PAWR: variants seen among roughly 807,000 people sequenced by gnomAD.
PAWR encodes the protein PRKC apoptosis WT1 regulator protein.
A neutral mutation model predicts 32.0 loss-of-function variants in PAWR; 23 were observed. The ratio of observed to expected loss-of-function variants is 0.72; its 90% CI spans 0.52 to 1.02. The LOEUF is 1.02. Among genes scored for constraint, PAWR ranks in the 50% least tolerant of loss-of-function variants. The probability of loss-of-function intolerance (pLI) is 0.00; values close to 1 mark genes in which losing one functional copy is unlikely to be tolerated. For synonymous variants in PAWR, 226 were observed against 187.1 expected, an observed-to-expected ratio of 1.21 and a Z score of -1.70; for missense variants, 457 against 437.7, an observed-to-expected ratio of 1.04 and a Z score of -0.39.
chr12:79,657,003 T>C (rs1478500711), intron 2 of PAWR, among the ~76,000 whole-genome samples: 1 of 152,174 alleles, frequency 6.6e-6, no homozygotes, highest in Admixed American at 6.5e-5. Context: ...GAGATCTCTC[T>C]GTAATCTAAG....
chr12:79,648,459 CCA>C (rs1342845166), intron 2 of PAWR, among the ~76,000 whole-genome samples: 1 of 151,938 alleles, frequency 6.6e-6, no homozygotes, highest in Non-Finnish European at 1.5e-5. Flanking sequence ...ACAACAACAA[CCA>C]CACACACATT....
chr12:79,592,595 G>C lies in PAWR; in HGVS notation c.*12C>G. 1.3e-6 allele frequency: 1 copy of C among 754,268 alleles called. No individual in the cohort carries two copies. The highest frequency in any genetic ancestry group is 1.7e-5 in the African/African-American group (1 of 57,192). 46.7% of individuals were successfully genotyped at this position (754,268 alleles called of 1,614,324 possible). A position where few individuals can be genotyped will look rare whatever the true frequency, so the allele number is the denominator to read the frequency against. ...GTTTAAAATATTTTTTCCACATTGA[G>C]TCTTGAATCCTCTACCTGGTCAGCT... On this transcript the variant is annotated 3_prime_UTR_variant, in exon 7 of 7. Transcript: ENST00000328827.
chr12:79,623,757 A>T (rs906392070), intron 2 of PAWR, among the ~76,000 whole-genome samples: 6 of 152,208 alleles, frequency 3.9e-5, no homozygotes, highest in Admixed American at 6.5e-5. Context: ...TTATTTGGAA[A>T]GTAGTGGTGC....
chr12:79,616,414 A>G (rs1367641623), intron 3 of PAWR, among the ~76,000 whole-genome samples: 1 of 152,202 alleles, frequency 6.6e-6, no homozygotes, highest in South Asian at 2.1e-4. Flanking sequence ...GGTTACTGGT[A>G]TATCAACTGA....
intron 5 of PAWR, among the ~76,000 whole-genome samples, chr12:79,595,799 C>T (rs1873728772): frequency 6.6e-6 from 1 of 152,070 alleles, no homozygotes; most frequent in African/African-American, 2.4e-5. Flanking sequence ...TTGCAGTGAG[C>T]CGATACTGAG....
At position 79,595,955 on chromosome 12, in the gene PAWR, G is replaced by A. The variant is rs1592489031; in HGVS notation, c.831+556C>T. ...AATGTGACCTCAAAAAATCATAAAT[G>A]TTATAAAATAGAAACAAGTTTTAAA... is the stretch of plus-strand genomic sequence containing the variant. On this transcript the variant is annotated intron_variant, in intron 5 of 6. Transcript: ENST00000328827. Among the ~76,000 whole-genome samples the A allele has an allele frequency of 7.2e-5, 11 of 152,132 alleles. 1 individual carries two copies. Among genetic ancestry groups the A allele is most frequent in the Admixed American group, 3.9e-4 (6 of 15,290 alleles).
Position 79,587,269 on chromosome 12 carries a change from A to T in PAWR, c.*5338T>A, listed in dbSNP as rs1042609858. 1 of 152,098 alleles carries T rather than the reference A, an allele frequency of 6.6e-6. No homozygotes were observed. Among genetic ancestry groups the T allele is most frequent in the Non-Finnish European group, 1.5e-5 (1 of 67,940 alleles). 9.4% of individuals were successfully genotyped at this position (152,098 alleles called of 1,614,324 possible). On this transcript the variant is annotated 3_prime_UTR_variant, in exon 7 of 7. Transcript: ENST00000328827. ...TTTCCTCTTGTTAGACTTGTATGAC[A>T]TTACTGAGAAGATTTAGAGTTCTAG...
At chr12:79,595,801 G>A (rs922034495) in intron 5 of PAWR, among the ~76,000 whole-genome samples, 3 of 152,070 alleles carry the variant, frequency 2.0e-5, no homozygotes, top group Non-Finnish European at 1.5e-5. Context: ...GCAGTGAGCC[G>A]ATACTGAGCC....
chr12:79,681,133 G>A (rs1343551307), intron 2 of PAWR, among the ~76,000 whole-genome samples: 1 of 139,578 alleles, frequency 7.2e-6, no homozygotes, highest in Non-Finnish European at 1.6e-5. Flanking sequence ...AGAAGGGAGG[G>A]GAGGGGAGGG....
intron 2 of PAWR, among the ~76,000 whole-genome samples, chr12:79,656,333 T>C (rs1011891792): frequency 6.6e-6 from 1 of 152,236 alleles, no homozygotes; most frequent in Non-Finnish European, 1.5e-5. Flanking sequence ...TGGTTGATAC[T>C]GGTAGCCTGA....
Position 79,585,176 on chromosome 12 carries a change from C to A in PAWR, c.*7431G>T. 1 of 449,748 alleles carries A rather than the reference C, an allele frequency of 2.2e-6. No homozygotes were observed. Among genetic ancestry groups the A allele is most frequent in the Admixed American group, 2.4e-5 (1 of 41,154 alleles). The allele number at this position is 449,748 out of a possible 1,614,324, so 27.9% of individuals were successfully genotyped here. On this transcript the variant is annotated 3_prime_UTR_variant, in exon 7 of 7. Coordinates refer to ENST00000328827, the MANE Select transcript of PAWR (RefSeq NM_002583.4). ...TAAAACAAAACAAAACAAAAACAAA[C>A]AAAAAACAAGTTCATGTTATTTCTA...
At chr12:79,644,865 A>C (rs1370578548) in intron 2 of PAWR, among the ~76,000 whole-genome samples, 1 of 152,160 alleles carries the variant, frequency 6.6e-6, no homozygotes, top group African/African-American at 2.4e-5. Flanking sequence ...ACAAACTTTA[A>C]ATTTCTGAGG....
chr12:79,674,700 A>G (rs918716664), intron 2 of PAWR, among the ~76,000 whole-genome samples: 1 of 152,162 alleles, frequency 6.6e-6, no homozygotes, highest in African/African-American at 2.4e-5. Context: ...GACCTTAAGC[A>G]AATCAATAAG....
chr12:79,638,896 ATTTTTTTTTTTTTTTT>A (rs60375837), intron 2 of PAWR, among the ~76,000 whole-genome samples: 4 of 10,000 alleles, frequency 4.0e-4, no homozygotes, highest in African/African-American at 1.1e-3. Flanking sequence ...ATATATATAT[ATTTTTTTTTTTTTTTT>A]TTTTTTTTTT....
intron 4 of PAWR, among the ~76,000 whole-genome samples, chr12:79,603,453 G>C (rs544581715): frequency 6.6e-6 from 1 of 151,914 alleles, no homozygotes; most frequent in African/African-American, 2.4e-5. Context: ...AAAAAAAGAA[G>C]TCCAACTTTC....
chr12:79,596,471 A>G, intron 5 of PAWR, 40 bp downstream of exon 5: 2 of 968,262 alleles, frequency 2.1e-6, no homozygotes, highest in Non-Finnish European at 3.1e-6. Flanking sequence ...TTCTAATGGT[A>G]TATTAATTTT....
intron 3 of PAWR, among the ~76,000 whole-genome samples, chr12:79,618,163 C>T (rs531380762): frequency 8.6e-5 from 13 of 152,012 alleles, no homozygotes; most frequent in Admixed American, 2.6e-4. Context: ...CACAGTCTCG[C>T]TGTCACCCAG....
At chr12:79,633,923 G>C (rs1270450724) in intron 2 of PAWR, among the ~76,000 whole-genome samples, 1 of 152,080 alleles carries the variant, frequency 6.6e-6, no homozygotes, top group Admixed American at 6.6e-5. Context: ...ATGCCACCTA[G>C]GATTTGCTTC....
intron 3 of PAWR, among the ~76,000 whole-genome samples, chr12:79,615,305 G>A (rs901667059): frequency 2.0e-5 from 3 of 151,974 alleles, no homozygotes; most frequent in Non-Finnish European, 4.4e-5. Context: ...CAAAACCCCA[G>A]CTCACCTAGT....
Sources: gnomAD v4.1 joint callset for allele counts (sites outside exome capture counted in the v4.1 genomes callset) on GRCh38, gnomAD v4.1.1 for gene constraint, MANE v1.5 for transcripts, NCBI Gene and HGNC (gene_info 2026-07-23, HGNC 2026-07-21) for gene names.